The following DPYD variants were observed in gnomAD, a reference collection of about 807,000 sequenced individuals.
The protein encoded by DPYD is dihydropyrimidine dehydrogenase.
In DPYD, 109 loss-of-function variants were observed where a neutral mutation model predicts 116.2. That is an observed-to-expected ratio of 0.94 (90% CI 0.80 to 1.10). The LOEUF is 1.10. Among genes scored for constraint, DPYD ranks in the 50% least tolerant of loss-of-function variants. The pLI is 0.00. For missense variants in DPYD, 1,302 were observed against 1,254.5 expected (o/e 1.04, Z -0.57); for synonymous variants, 440 against 432.0 (o/e 1.02, Z -0.23).
chr1:97,640,372 C>G (rs1307833311), intron 8 of DPYD, among the ~76,000 whole-genome samples: 4 of 151,364 alleles, frequency 2.6e-5, no homozygotes, highest in African/African-American at 4.9e-5. Context: ...GCAATGGCAC[C>G]ATCTCAGCTC....
At chr1:97,275,819 C>G (rs1400716475) in intron 18 of DPYD, among the ~76,000 whole-genome samples, 1 of 152,128 alleles carries the variant, frequency 6.6e-6, no homozygotes, top group African/African-American at 2.4e-5. Flanking sequence ...CTGTTAGCTT[C>G]CTCTCTCCTT....
chr1:97,647,622 C>T (rs530505563), intron 8 of DPYD, among the ~76,000 whole-genome samples: 132 of 151,880 alleles, frequency 8.7e-4, no homozygotes, highest in Non-Finnish European at 1.0e-4. Flanking sequence ...AATATTTTAT[C>T]TTTATAATTT....
intron 16 of DPYD, among the ~76,000 whole-genome samples, chr1:97,341,644 T>C (rs1162993913): frequency 6.6e-6 from 1 of 152,208 alleles, no homozygotes; most frequent in African/African-American, 2.4e-5. Flanking sequence ...ATTTCCTTTA[T>C]GTCAAAGCAG....
At chr1:97,789,994 C>T (rs2101261524) in intron 3 of DPYD, among the ~76,000 whole-genome samples, 1 of 152,190 alleles carries the variant, frequency 6.6e-6, no homozygotes, top group Non-Finnish European at 1.5e-5. Flanking sequence ...AGTTAAAGAA[C>T]AGAGAAAAAC....
At chr1:97,615,718 T>C (rs559120899) in intron 8 of DPYD, among the ~76,000 whole-genome samples, 141 of 152,278 alleles carry the variant, frequency 9.3e-4, no homozygotes, top group Non-Finnish European at 1.7e-3. Flanking sequence ...TAAGTTTTTC[T>C]AAAATGAAAA....
At chr1:97,318,498 T>C (rs1668008380) in intron 16 of DPYD, among the ~76,000 whole-genome samples, 1 of 151,848 alleles carries the variant, frequency 6.6e-6, no homozygotes, top group Non-Finnish European at 1.5e-5. Context: ...CATTACATAA[T>C]GGTAAAGGGA....
At chr1:97,750,783 G>T (rs897752158) in intron 3 of DPYD, among the ~76,000 whole-genome samples, 15 of 152,170 alleles carry the variant, frequency 9.9e-5, no homozygotes, top group Non-Finnish European at 8.8e-5. Flanking sequence ...ACCAAACAAG[G>T]ATTGAAAGTG....
rs764480561 is a variant in DPYD, at chr1:97,272,164, T to C, written c.2299+33095A>G. ...TCTTGTTTACTTTTTCTCTACTTTT[T>C]CTCCAACTTCCTCTATATTTTAAAA... is the stretch of plus-strand genomic sequence containing the variant. On this transcript the variant is annotated intron_variant, in intron 18 of 22. Coordinates refer to ENST00000370192, the MANE Select transcript of DPYD (RefSeq NM_000110.4). 1.1e-4 allele frequency among the ~76,000 whole-genome samples: 17 copies of C among 152,262 alleles called. No individual in the cohort carries two copies. In the Middle Eastern group the frequency reaches 0.01, roughly 91 times the overall value.
intron 14 of DPYD, among the ~76,000 whole-genome samples, chr1:97,413,244 T>C (rs1261107292): frequency 1.3e-5 from 2 of 152,182 alleles, no homozygotes; most frequent in Non-Finnish European, 2.9e-5. Context: ...CTGCGTTTTC[T>C]CTGCTCAGTG....
intron 14 of DPYD, among the ~76,000 whole-genome samples, chr1:97,400,081 G>A (rs1207485371): frequency 6.6e-6 from 1 of 152,094 alleles, no homozygotes; most frequent in Non-Finnish European, 1.5e-5. Flanking sequence ...TATTGGCTGT[G>A]GGTTTTTCAT....
At chr1:97,919,850 G>A (rs1674414488) in intron 1 of DPYD, among the ~76,000 whole-genome samples, 1 of 152,166 alleles carries the variant, frequency 6.6e-6, no homozygotes, top group South Asian at 2.1e-4. Context: ...GGAGAAAACA[G>A]GACTACTTCC....
At chr1:97,715,049 A>G (rs1380084237) in intron 5 of DPYD, among the ~76,000 whole-genome samples, 1 of 152,152 alleles carries the variant, frequency 6.6e-6, no homozygotes, top group Non-Finnish European at 1.5e-5. Context: ...CTGAGGATTA[A>G]TCAAGCTCTA....
At chr1:97,515,558 A>AT in intron 13 of DPYD, among the ~76,000 whole-genome samples, 168 bp downstream of exon 13, 1 of 151,758 alleles carries the variant, frequency 6.6e-6, no homozygotes, top group South Asian at 2.1e-4. Context: ...CCCTTCTTCC[A>AT]TGGGACAGAA....
At chr1:97,429,873 G>C (rs1320183645) in intron 14 of DPYD, among the ~76,000 whole-genome samples, 3 of 152,044 alleles carry the variant, frequency 2.0e-5, no homozygotes, top group African/African-American at 7.2e-5. Context: ...GTGGAGAAGA[G>C]GGTTGTGGAG....
intron 11 of DPYD, among the ~76,000 whole-genome samples, chr1:97,565,183 T>C (rs1263259428): frequency 6.6e-6 from 1 of 152,062 alleles, no homozygotes; most frequent in Non-Finnish European, 1.5e-5. Flanking sequence ...AACCACCTAA[T>C]TCAGGTCACC....
intron 14 of DPYD, among the ~76,000 whole-genome samples, chr1:97,403,672 T>C (rs1352760056): frequency 6.6e-6 from 1 of 152,056 alleles, no homozygotes; most frequent in African/African-American, 2.4e-5. Context: ...TCATTTCTGA[T>C]ATTATTAACT....
At chr1:97,710,844 G>A (rs1012378681) in intron 5 of DPYD, among the ~76,000 whole-genome samples, 1 of 151,576 alleles carries the variant, frequency 6.6e-6, no homozygotes, top group Non-Finnish European at 1.5e-5. Flanking sequence ...TTTCACAAAC[G>A]TTGCTCTCAG....
At chr1:97,207,866 A>C (rs573198169) in intron 19 of DPYD, among the ~76,000 whole-genome samples, 11 of 152,342 alleles carry the variant, frequency 7.2e-5, no homozygotes, top group Admixed American at 6.5e-4. Context: ...TTCATTTTAA[A>C]GAATTCCCTC....
intron 5 of DPYD, among the ~76,000 whole-genome samples, chr1:97,703,223 A>C (rs1304490033): frequency 9.9e-5 from 15 of 152,022 alleles, no homozygotes; most frequent in Admixed American, 7.9e-4. Flanking sequence ...TTAAGGAAGT[A>C]AATAATTGAA....
Sources: gnomAD v4.1 joint callset for allele counts (sites outside exome capture counted in the v4.1 genomes callset) on GRCh38, gnomAD v4.1.1 for gene constraint, MANE v1.5 for transcripts, NCBI Gene and HGNC (gene_info 2026-07-23, HGNC 2026-07-21) for gene names.